Variants in FKBP6 observed in about 807,000 individuals in gnomAD.
FKBP6 encodes the protein inactive peptidyl-prolyl cis-trans isomerase FKBP6.
In FKBP6, 29 loss-of-function variants were observed where a neutral mutation model predicts 41.7. The ratio of observed to expected loss-of-function variants is 0.70; its 90% confidence interval spans 0.52 to 0.95. The LOEUF is 0.95. Ranked by LOEUF, FKBP6 falls within the 40% of genes least tolerant of loss-of-function variation. The pLI is 0.00. For missense variants in FKBP6, 338 were observed against 408.7 expected (o/e 0.83, Z 1.49); for synonymous variants, 130 against 165.1 (o/e 0.79, Z 1.63).
At chr7:73,357,830 CA>C (rs1393859609) in intron 8 of FKBP6, among the ~76,000 whole-genome samples, 2 of 151,070 alleles carry the variant, frequency 1.3e-5, no homozygotes, top group East Asian at 2.0e-4. Flanking sequence ...ACTAAAAATG[CA>C]AAAAAAAGTA....
rs141388058 is a variant in FKBP6 at position 73,334,600 on chromosome 7, A to G, written c.588+2824A>G. On this transcript the variant is annotated intron_variant, in intron 5 of 8. Transcript: ENST00000252037. ...GGAGTTAAAGATCAGTCTGGGCACC[A>G]TAGCAAGATCCCATCTCTACAAAAA... 1.7e-3 allele frequency among the ~76,000 whole-genome samples: 258 copies of G among 152,298 alleles called. 6 individuals carry two copies. The East Asian group carries it at 0.044, about 26-fold the overall frequency.
intron 8 of FKBP6, among the ~76,000 whole-genome samples, chr7:73,357,080 C>A (rs893696774): frequency 6.6e-6 from 1 of 152,272 alleles, no homozygotes; most frequent in South Asian, 2.1e-4. Flanking sequence ...CTGTGCCTGG[C>A]CCTCCTCTCA....
intron 8 of FKBP6, among the ~76,000 whole-genome samples, chr7:73,346,737 G>C (rs568056215): frequency 6.6e-6 from 1 of 152,302 alleles, no homozygotes; most frequent in East Asian, 1.9e-4. Flanking sequence ...AGAGCGGAAG[G>C]GTGGCAGGAG....
At chr7:73,349,547 A>C (rs1222458881) in intron 8 of FKBP6, among the ~76,000 whole-genome samples, 4 of 113,430 alleles carry the variant, frequency 3.5e-5, no homozygotes, top group Non-Finnish European at 5.4e-5. Flanking sequence ...ACTAAAATAC[A>C]AAAAAAAAAA....
chr7:73,328,701 T>A lies in FKBP6; in HGVS notation c.175+9T>A, dbSNP rs1804722546. ...TGATGCTTCGGTGCTAGGTACGCCC[T>A]GGGGCGGTTTGTCCTCAGGATCCAT... On this transcript the variant is annotated intron_variant, in intron 2 of 8. Transcript: ENST00000252037. 1 of 1,611,778 alleles carries A rather than the reference T, an allele frequency of 6.2e-7. No homozygotes were observed.
chr7:73,355,863 G>A (rs1295497985), intron 8 of FKBP6, among the ~76,000 whole-genome samples: 1 of 151,772 alleles, frequency 6.6e-6, no homozygotes, highest in African/African-American at 2.4e-5. Context: ...TCAGGAGATC[G>A]AGACCATCCT....
chr7:73,354,919 C>T (rs150966875), intron 8 of FKBP6, among the ~76,000 whole-genome samples: 234 of 152,330 alleles, frequency 1.5e-3, no homozygotes, highest in African/African-American at 4.9e-3. Flanking sequence ...ACCGTGGGAA[C>T]GGCACCTGCT....
At chr7:73,356,065 CAAAAAAAAAAAAAA>C (rs71925165) in intron 8 of FKBP6, among the ~76,000 whole-genome samples, 2 of 32,198 alleles carry the variant, frequency 6.2e-5, no homozygotes, top group Admixed American at 7.5e-4. Flanking sequence ...GACTCTGTCT[CAAAAAAAAAAAAAA>C]AAAAAAAAAA....
At chr7:73,329,554 G>T (rs1356320588) in intron 3 of FKBP6, 105 bp downstream of exon 3, 3 of 813,522 alleles carry the variant, frequency 3.7e-6, no homozygotes, top group Non-Finnish European at 6.6e-6. Context: ...TCTTTGAGTT[G>T]GCTTTGCTGA....
Position 73,340,755 on chromosome 7 carries a change from A to G in FKBP6, c.706A>G (p.Thr236Ala), listed in dbSNP as rs782228788. 1.9e-6 allele frequency: 3 copies of G among 1,613,824 alleles called. No homozygotes were observed. In the South Asian group the frequency reaches 3.3e-5, roughly 18 times the overall value. The change falls in exon 6 of 9, where the codon ACC (threonine) becomes GCC (alanine). Residue 236 changes from threonine to alanine, a missense_variant. Coordinates refer to ENST00000252037, the MANE Select transcript of FKBP6 (RefSeq NM_003602.5). ...TACATACCTGAAGCTAGACCGACCC[A>G]CCATAGCCCTGTGCTATGGAGAGCA... ...SFTYLKLDRP[T>A]IALCYGEQAL...
At chr7:73,347,252 A>G (rs1805356170) in intron 8 of FKBP6, among the ~76,000 whole-genome samples, 1 of 152,294 alleles carries the variant, frequency 6.6e-6, no homozygotes, top group East Asian at 1.9e-4. Context: ...ATTCTTCTAC[A>G]TGTTTCACAT....
chr7:73,349,086 CAG>C (rs1554550711), intron 8 of FKBP6, among the ~76,000 whole-genome samples: 1 of 151,076 alleles, frequency 6.6e-6, no homozygotes, highest in African/African-American at 2.4e-5. Context: ...GTCTGGGTGA[CAG>C]AGTGAGACCC....
chr7:73,340,628 C>G lies in FKBP6; in HGVS notation c.589-10C>G. The G allele has an allele frequency of 6.2e-7, 1 of 1,612,178 alleles. No individual in the cohort carries two copies. The highest frequency in any genetic ancestry group is 8.5e-7 in the Non-Finnish European group (1 of 1,179,162). On this transcript the variant is annotated splice_polypyrimidine_tract_variant and intron_variant, in intron 5 of 8. Transcript: ENST00000252037. ...TACTCCTCTTGACCATCTGCCTTCCCTCTCCACAGGCCCTATTGCTTCTGC... is the reference window on the plus strand; with the variant it reads ...TACTCCTCTTGACCATCTGCCTTCCGTCTCCACAGGCCCTATTGCTTCTGC...
intron 5 of FKBP6, among the ~76,000 whole-genome samples, chr7:73,334,164 T>C (rs187176443): frequency 6.6e-6 from 1 of 152,302 alleles, no homozygotes; most frequent in East Asian, 1.9e-4. Context: ...CCTTTCTACG[T>C]GACCTGTTTT....
chr7:73,356,944 C>G (rs1805648831), intron 8 of FKBP6, among the ~76,000 whole-genome samples: 1 of 152,090 alleles, frequency 6.6e-6, no homozygotes, highest in Admixed American at 6.6e-5. Flanking sequence ...CCACGCCCAG[C>G]TAATTTTTGT....
At chr7:73,330,640 G>A (rs1804810905) in intron 4 of FKBP6, among the ~76,000 whole-genome samples, 1 of 152,236 alleles carries the variant, frequency 6.6e-6, no homozygotes, top group Non-Finnish European at 1.5e-5. Flanking sequence ...CTGTGAGACA[G>A]TGAACACTTG....
intron 5 of FKBP6, among the ~76,000 whole-genome samples, chr7:73,335,180 C>A (rs1804966379): frequency 1.3e-5 from 2 of 149,904 alleles, no homozygotes; most frequent in African/African-American, 4.9e-5. Flanking sequence ...GAAGGGAGGG[C>A]AGCTGCTGGG....
chr7:73,340,916 T>G, intron 6 of FKBP6, 84 bp downstream of exon 6: 2 of 729,026 alleles, frequency 2.7e-6, no homozygotes, highest in Non-Finnish European at 4.5e-6. Context: ...AAAAATGCTG[T>G]CTTTTTTTTT....
rs1302430769 is a variant in FKBP6, at chr7:73,328,210, G to A, written c.-219G>A. On this transcript the variant is annotated 5_prime_UTR_variant, in exon 1 of 9. In the 5' UTR this introduces an upstream ATG that the reference lacks. Transcript: ENST00000252037. ...CGGATCATACCTCGCACCTCACCGC[G>A]TGGCCTCTGTAGTTCCAGAGCTCGC... 4 of 1,548,894 alleles carry A rather than the reference G, an allele frequency of 2.6e-6. No individual in the cohort carries two copies. The highest frequency in any genetic ancestry group is 3.5e-6 in the Non-Finnish European group (4 of 1,146,506).
Sources: allele counts gnomAD v4.1 joint callset (sites outside exome capture counted in the v4.1 genomes callset), GRCh38; gene constraint gnomAD v4.1.1; transcripts MANE v1.5; gene names NCBI Gene and HGNC (gene_info 2026-07-23, HGNC 2026-07-21).